The following MAST3 variants were observed in gnomAD, a reference collection of about 807,000 sequenced individuals.
The protein encoded by MAST3 is microtubule associated serine/threonine kinase 3, also known as microtubule-associated serine/threonine-protein kinase 3.
In MAST3, 43 loss-of-function variants were observed where a neutral mutation model predicts 127.0. That is an observed-to-expected ratio of 0.34 (90% CI 0.27 to 0.44). The LOEUF (loss-of-function observed/expected upper bound fraction) is 0.44. Among genes scored for constraint, MAST3 ranks in the 20% least tolerant of loss-of-function variants. The probability of loss-of-function intolerance (pLI) is 1.00; values close to 1 mark genes in which losing one functional copy is unlikely to be tolerated. For synonymous variants in MAST3, 785 were observed against 809.2 expected (o/e 0.97, Z 0.51); for missense variants, 1,390 against 1,919.1 (o/e 0.72, Z 5.15).
In MAST3 at chr19:18,124,047, G is replaced by A. The variant is rs200608721; in HGVS notation, c.742G>A (p.Val248Ile). 1.9e-5 allele frequency: 30 copies of A among 1,606,946 alleles called. No homozygotes were observed. In the Admixed American group the frequency reaches 2.2e-4, roughly 12 times the overall value. Residue 248 changes from valine (V) to isoleucine (I), a missense_variant, in exon 9 of 28, where the codon GTC becomes ATC. Physicochemically the swap from Val to Ile is conservative, Grantham distance 29 (BLOSUM62 3). This residue lies in a region of MAST3 where 277 missense variants were observed against 384.8 expected (regional missense o/e 0.72). Transcript: ENST00000687212. The stretch of plus-strand genomic sequence containing the variant: ...CTTGGGCTTCATCCACCACCAGATC[G>A]TCGAGCTGGCCCGAGACTGCTTGGC... ...GVLGFIHHQI[V>I]ELARDCLAKS...
rs910550578 is a variant in MAST3 at position 18,149,869 on chromosome 19, T to A, written c.*143T>A. ...AGCCATCTCGGTCCTTGCTGGAAGG[T>A]GGAGACATCGCTTGTGTTCTGGTGT... is the stretch of plus-strand genomic sequence containing the variant. On this transcript the variant is annotated 3_prime_UTR_variant, in exon 28 of 28. Transcript: ENST00000687212. This position sits in a 1 kb window ranked among gnomAD's most constrained non-coding sequence, Gnocchi z 5.9. 1.7e-6 allele frequency: 2 copies of A among 1,194,872 alleles called. No individual in the cohort carries two copies. Among genetic ancestry groups the A allele is most frequent in the Non-Finnish European group, 2.3e-6 (2 of 881,976 alleles). The allele number at this position is 1,194,872 out of a possible 1,614,324, so 74.0% of individuals were successfully genotyped here.
At position 18,137,235 on chromosome 19, in the gene MAST3, G is replaced by T. The variant is rs374546786; in HGVS notation, c.1973-4G>T. 2 of 1,611,492 alleles carry T rather than the reference G, an allele frequency of 1.2e-6. No homozygotes were observed. The highest frequency in any genetic ancestry group is 2.7e-5 in the African/African-American group (2 of 74,906). ...CTGCAGGGCTCAGCGGGGCATATCTGCAGGTGGCACCCACGAAGTGAAGCA... is the reference window on the plus strand; with the variant it reads ...CTGCAGGGCTCAGCGGGGCATATCTTCAGGTGGCACCCACGAAGTGAAGCA... On this transcript the variant is annotated splice_polypyrimidine_tract_variant and splice_region_variant and intron_variant, in intron 18 of 27. Coordinates refer to ENST00000687212, the MANE Select transcript of MAST3 (RefSeq NM_001393504.1).
intron 1 of MAST3, among the ~76,000 whole-genome samples, chr19:18,101,749 C>T (rs1177258043): frequency 6.6e-6 from 1 of 151,088 alleles, no homozygotes; most frequent in Admixed American, 6.6e-5. Flanking sequence ...CACCTGGATA[C>T]AAGCGATTCT....
intron 13 of MAST3, chr19:18,129,156 C>T: frequency 1.7e-6 from 1 of 581,900 alleles, no homozygotes; most frequent in South Asian, 2.1e-5. Flanking sequence ...TGTCCACGAG[C>T]CAGGCCTTTA....
chr19:18,138,787 C>A (rs767556814), intron 19 of MAST3, among the ~76,000 whole-genome samples: 4 of 152,144 alleles, frequency 2.6e-5, no homozygotes, highest in Non-Finnish European at 5.9e-5. Context: ...GCGTGAGCCA[C>A]CGCACCCGGC....
intron 27 of MAST3, among the ~76,000 whole-genome samples, chr19:18,147,941 G>A (rs750457035): frequency 6.6e-6 from 1 of 152,022 alleles, no homozygotes; most frequent in Non-Finnish European, 1.5e-5. Context: ...GGATCACTGA[G>A]CCCAGGAGTT....
chr19:18,151,438 A>G lies in MAST3; in HGVS notation c.*1712A>G, dbSNP rs1002797810. 1 of 152,194 alleles carries G rather than the reference A, an allele frequency of 6.6e-6. No individual in the cohort carries two copies. Among genetic ancestry groups the G allele is most frequent in the East Asian group, 1.9e-4 (1 of 5,194 alleles). 9.4% of individuals were successfully genotyped at this position (152,194 alleles called of 1,614,324 possible). The stretch of plus-strand genomic sequence containing the variant: ...GACCCTGTTGTGGGCGTTGTCATCA[A>G]GGGAGCTTGAATGGAGGGTCTGGTG... On this transcript the variant is annotated 3_prime_UTR_variant, in exon 28 of 28. Transcript: ENST00000687212.
chr19:18,147,947 G>A (rs181770526), intron 27 of MAST3, among the ~76,000 whole-genome samples: 2 of 152,288 alleles, frequency 1.3e-5, no homozygotes, highest in African/African-American at 2.4e-5. Context: ...CTGAGCCCAG[G>A]AGTTTGAGAC....
Position 18,144,584 on chromosome 19 carries a change from A to G in MAST3, c.2703A>G (p.Pro901=), listed in dbSNP as rs573524571. 6.2e-7 allele frequency: 1 copy of G among 1,610,744 alleles called. No homozygotes were observed. The highest frequency in any genetic ancestry group is 2.2e-5 in the East Asian group (1 of 44,878). Residue 901 remains proline (P), a synonymous_variant, in exon 23 of 28, where the codon CCA becomes CCG. Coordinates refer to ENST00000687212, the MANE Select transcript of MAST3 (RefSeq NM_001393504.1). This position sits in a 1 kb window ranked among gnomAD's most constrained non-coding sequence, Gnocchi z 4.0. ...RGRRLGGPRD[P]APEKSRASSS... The stretch of plus-strand genomic sequence containing the variant: ...GCCGCCTTGGGGGCCCAAGAGACCC[A>G]GCCCCTGAGAAGTCCAGAGCCTCCT...
At chr19:18,125,610 G>C (rs546748602) in intron 11 of MAST3, among the ~76,000 whole-genome samples, 1 of 150,612 alleles carries the variant, frequency 6.6e-6, no homozygotes, top group Admixed American at 6.6e-5. Flanking sequence ...GTGTGGTGGC[G>C]TGTGCCTGTA....
chr19:18,143,313 C>T (rs1037252838), intron 21 of MAST3, among the ~76,000 whole-genome samples: 4 of 152,248 alleles, frequency 2.6e-5, no homozygotes, highest in South Asian at 4.1e-4. Flanking sequence ...CAGTGGCTCA[C>T]GCCTGTAATC....
chr19:18,131,980 G>A lies in MAST3; in HGVS notation c.1504G>A (p.Glu502Lys), dbSNP rs746894885. 6.2e-7 allele frequency: 1 copy of A among 1,614,164 alleles called. No individual in the cohort carries two copies. The highest frequency in any genetic ancestry group is 1.1e-5 in the South Asian group (1 of 91,084). ...GGACATGGCCCGCCTGTACTTCGCC[G>A]AGACGGTGTTGGCGCTGGAGTACCT... ...PVDMARLYFA[E>K]TVLALEYLHN... Residue 502 changes from glutamate to lysine, a missense_variant, in exon 15 of 28, where the codon GAG (glutamate) becomes AAG (lysine). Transcript: ENST00000687212.
Position 18,129,249 on chromosome 19 carries a change from G to A in MAST3, c.1223+298G>A, listed in dbSNP as rs999237779. 10 of 404,672 alleles carry A rather than the reference G, an allele frequency of 2.5e-5. No homozygotes were observed. In the Admixed American group the frequency reaches 3.6e-4, roughly 15 times the overall value. 25.1% of individuals were successfully genotyped at this position (404,672 alleles called of 1,614,324 possible). On this transcript the variant is annotated intron_variant, in intron 13 of 27. Transcript: ENST00000687212. ...CCACCCAGTGGGAGTAGCACGCAGT[G>A]AGCTTTATTTAGGTGCTGCTTTGAA...
intron 1 of MAST3, among the ~76,000 whole-genome samples, chr19:18,099,162 G>A (rs1229561702): frequency 6.6e-6 from 1 of 151,912 alleles, no homozygotes; most frequent in Non-Finnish European, 1.5e-5. Context: ...GAGCCGCACC[G>A]GTAGCTGCGG....
At chr19:18,109,927 G>C in intron 2 of MAST3, 1 of 984,900 alleles carries the variant, frequency 1.0e-6, no homozygotes, top group Non-Finnish European at 1.2e-6. Context: ...CCGGGGCGGG[G>C]AGAGGCGGGG....
chr19:18,123,654 A>G lies in MAST3; in HGVS notation c.632A>G (p.Lys211Arg). 2 of 1,573,530 alleles carry G rather than the reference A, an allele frequency of 1.3e-6. No homozygotes were observed. Among genetic ancestry groups the G allele is most frequent in the Admixed American group, 1.9e-5 (1 of 53,264 alleles). Residue 211 changes from lysine to arginine, a missense_variant and splice_region_variant, in exon 8 of 28, where the codon AAG (lysine) becomes AGG (arginine). This residue lies in a region of MAST3 where 277 missense variants were observed against 384.8 expected (regional missense o/e 0.72). Coordinates refer to ENST00000687212, the MANE Select transcript of MAST3 (RefSeq NM_001393504.1). ...CACGTGTACCGGGAGAGGTTCCCCA[A>G]GGTGGGCAGCGCCTGGCGGCTGGAC... ...MNHVYRERFP[K>R]ATAQMEGRLQ...
At chr19:18,135,251 G>A (rs1460300300) in intron 17 of MAST3, among the ~76,000 whole-genome samples, 1 of 152,046 alleles carries the variant, frequency 6.6e-6, no homozygotes, top group Non-Finnish European at 1.5e-5. Flanking sequence ...GATCATATAA[G>A]GTCAGGAGTT....
chr19:18,125,600 G>A (rs1260841832), intron 11 of MAST3, among the ~76,000 whole-genome samples: 1 of 152,112 alleles, frequency 6.6e-6, no homozygotes, highest in African/African-American at 2.4e-5. Context: ...AATTAGCCGG[G>A]TGTGGTGGCG....
intron 2 of MAST3, chr19:18,109,910 G>A (rs1260936357): frequency 6.1e-6 from 6 of 981,926 alleles, no homozygotes; most frequent in Non-Finnish European, 7.3e-6. Context: ...CGAGGGCAGA[G>A]GCCGGGCCGG....
Sources: allele counts gnomAD v4.1 joint callset (sites outside exome capture counted in the v4.1 genomes callset), GRCh38; gene constraint gnomAD v4.1.1; regional missense constraint gnomAD v4.1.1; non-coding constraint Gnocchi (gnomAD v3.1); transcripts MANE v1.5; gene names NCBI Gene and HGNC (gene_info 2026-07-23, HGNC 2026-07-21).